The following RNF6 variants were observed in gnomAD, a reference collection of about 807,000 sequenced individuals.
The protein encoded by RNF6 is ring finger protein 6.
A neutral mutation model predicts 50.1 loss-of-function variants in RNF6; 21 were observed. The ratio of observed to expected loss-of-function variants is 0.42; its 90% CI spans 0.30 to 0.60. The LOEUF is 0.60. RNF6 is among the 20% of genes least tolerant of loss of function. The pLI is 0.20. For synonymous variants in RNF6, 255 were observed against 291.8 expected, an observed-to-expected ratio of 0.87 and a Z score of 1.29; for missense variants, 698 against 838.2, an observed-to-expected ratio of 0.83 and a Z score of 2.07.
At chr13:26,178,896 T>C (rs934486289) in intron 5 of RNF6, among the ~76,000 whole-genome samples, 5 of 152,190 alleles carry the variant, frequency 3.3e-5, no homozygotes, top group Admixed American at 6.5e-5. Flanking sequence ...TTTGTTTTTC[T>C]GTGTCTGACT....
chr13:26,135,436 A>AT (rs999101233), intron 5 of RNF6: 1 of 152,080 alleles, frequency 6.6e-6, no homozygotes, highest in Non-Finnish European at 1.5e-5. Flanking sequence ...TGCTGAGATA[A>AT]TTTTTTTGTG....
intron 2 of RNF6, among the ~76,000 whole-genome samples, chr13:26,220,205 C>G (rs185673230): frequency 1.3e-5 from 2 of 152,200 alleles, no homozygotes; most frequent in Non-Finnish European, 2.9e-5. Flanking sequence ...TAATTAATAT[C>G]TACTGAACAA....
At chr13:26,148,411 T>C (rs910785693) in intron 5 of RNF6, among the ~76,000 whole-genome samples, 1 of 151,850 alleles carries the variant, frequency 6.6e-6, no homozygotes, top group African/African-American at 2.4e-5. Context: ...CATATTTCTA[T>C]GGCCAGATCA....
intron 5 of RNF6, among the ~76,000 whole-genome samples, chr13:26,191,867 T>C (rs1868478092): frequency 6.6e-6 from 1 of 152,148 alleles, no homozygotes; most frequent in South Asian, 2.1e-4. Context: ...TTCGTACAGA[T>C]TATTTAGGGA....
intron 5 of RNF6, among the ~76,000 whole-genome samples, chr13:26,203,202 C>T (rs1868961730): frequency 2.0e-5 from 3 of 152,132 alleles, no homozygotes; most frequent in African/African-American, 4.8e-5. Context: ...TTGGGGTTCT[C>T]GGCTTTGACA....
chr13:26,199,773 A>G (rs1031622154), intron 5 of RNF6, among the ~76,000 whole-genome samples: 2 of 152,186 alleles, frequency 1.3e-5, no homozygotes, highest in African/African-American at 4.8e-5. Flanking sequence ...AGATGAAGAT[A>G]CATTAAAAAA....
intron 5 of RNF6, among the ~76,000 whole-genome samples, chr13:26,162,136 C>T (rs543983315): frequency 6.6e-6 from 1 of 152,264 alleles, no homozygotes; most frequent in Admixed American, 6.5e-5. Context: ...TCAGCCAGAG[C>T]ATGCCTTTGA....
At chr13:26,208,048 T>A (rs1180635982), downstream of RNF6, among the ~76,000 whole-genome samples, 2 of 152,186 alleles carry the variant, frequency 1.3e-5, no homozygotes, top group Non-Finnish European at 2.9e-5. Flanking sequence ...ATCACAAATG[T>A]GGTCCTAGAA....
At chr13:26,194,769 A>T (rs529500795) in intron 5 of RNF6, among the ~76,000 whole-genome samples, 1 of 152,306 alleles carries the variant, frequency 6.6e-6, no homozygotes, top group Admixed American at 6.5e-5. Flanking sequence ...TTGGAGTCTG[A>T]TGTTCAAGGG....
chr13:26,161,192 A>G (rs1383472453), intron 5 of RNF6, among the ~76,000 whole-genome samples: 1 of 152,196 alleles, frequency 6.6e-6, no homozygotes, highest in East Asian at 1.9e-4. Flanking sequence ...CTGTTTGACC[A>G]TTTGTGCCTC....
chr13:26,210,037 T>C (rs996529144), downstream of RNF6, among the ~76,000 whole-genome samples: 1 of 152,134 alleles, frequency 6.6e-6, no homozygotes, highest in Non-Finnish European at 1.5e-5. Context: ...AACACACTCA[T>C]ACTCACTGAA....
intron 5 of RNF6, among the ~76,000 whole-genome samples, chr13:26,155,013 G>C (rs922485270): frequency 1.3e-5 from 2 of 150,354 alleles, no homozygotes; most frequent in African/African-American, 2.5e-5. Context: ...CTGGGCAAAA[G>C]AGCCAGATTC....
intron 5 of RNF6, among the ~76,000 whole-genome samples, chr13:26,133,005 A>G (rs1046777435): frequency 6.6e-6 from 1 of 152,186 alleles, no homozygotes. Context: ...TTTGAAAACC[A>G]CTGATCTAGA....
intron 5 of RNF6, among the ~76,000 whole-genome samples, chr13:26,195,626 C>A (rs73158291): frequency 6.6e-6 from 1 of 152,082 alleles, no homozygotes; most frequent in Admixed American, 6.5e-5. Context: ...AAATCAAAGA[C>A]AAATTAAAAA....
At chr13:26,172,546 CT>C (rs56159536) in intron 5 of RNF6, among the ~76,000 whole-genome samples, 8,767 of 143,368 alleles carry the variant, frequency 0.061, 255 homozygotes, top group African/African-American at 0.078. Flanking sequence ...TAGAATATAT[CT>C]TTTTTTTTTT....
intron 5 of RNF6, among the ~76,000 whole-genome samples, chr13:26,161,883 A>C (rs1282415241): frequency 1.3e-5 from 2 of 152,112 alleles, no homozygotes; most frequent in African/African-American, 4.8e-5. Flanking sequence ...AACCACCTCC[A>C]ATTAGCTTCC....
chr13:26,192,871 C>T (rs1429130746), intron 5 of RNF6, among the ~76,000 whole-genome samples: 2 of 152,236 alleles, frequency 1.3e-5, no homozygotes, highest in Non-Finnish European at 2.9e-5. Flanking sequence ...GAGAACCTAG[C>T]TAAGACATGC....
intron 5 of RNF6, among the ~76,000 whole-genome samples, chr13:26,185,905 A>G (rs1227976351): frequency 6.6e-6 from 1 of 152,146 alleles, no homozygotes; most frequent in Non-Finnish European, 1.5e-5. Flanking sequence ...TTCAATATCT[A>G]TTTAGAGAAC....
chr13:26,219,412 C>G (rs764046086), intron 3 of RNF6, 45 bp downstream of exon 3: 1 of 1,429,554 alleles, frequency 7.0e-7, no homozygotes, highest in Non-Finnish European at 9.6e-7. Flanking sequence ...ATCCTTCCAT[C>G]TAAATGATGA....
Sources: gnomAD v4.1 joint callset for allele counts (sites outside exome capture counted in the v4.1 genomes callset) on GRCh38, gnomAD v4.1.1 for gene constraint, MANE v1.5 for transcripts, NCBI Gene and HGNC (gene_info 2026-07-23, HGNC 2026-07-21) for gene names.